Variants in SGK3 observed in about 807,000 individuals in gnomAD.
SGK3 encodes the protein serine/threonine-protein kinase Sgk3.
SGK3 carries 47 observed loss-of-function variants against 68.5 expected under a neutral mutation model. The observed-to-expected ratio is 0.69, with a 90% CI of 0.54 to 0.87. SGK3 has a LOEUF of 0.87. Among genes scored for constraint, SGK3 ranks in the 40% least tolerant of loss-of-function variants. The pLI is 0.00. For synonymous variants in SGK3, 181 were observed against 189.1 expected (o/e 0.96, Z 0.35); for missense variants, 479 against 575.5 (o/e 0.83, Z 1.72).
In SGK3 at chr8:66,826,162, G is replaced by A. The variant is rs375355782; in HGVS notation, c.418-2492G>A. Reference sequence around the variant, plus strand: ...TAATTTTTGTATTTTTAGTAGAGACGGGGTTTCACCATATTGGCCAGGCTG... The same window carrying A: ...TAATTTTTGTATTTTTAGTAGAGACAGGGTTTCACCATATTGGCCAGGCTG... On this transcript the variant is annotated intron_variant, in intron 6 of 16. Coordinates refer to ENST00000521198, the MANE Select transcript of SGK3 (RefSeq NM_001033578.3). Among the ~76,000 whole-genome samples the A allele has an allele frequency of 4.0e-3, 604 of 152,002 alleles. 5 individuals are homozygous for A. The highest frequency in any genetic ancestry group is 0.014 in the African/African-American group (576 of 41,472).
At chr8:66,747,566 T>A (rs191109379) in intron 1 of SGK3, among the ~76,000 whole-genome samples, 5 of 149,084 alleles carry the variant, frequency 3.4e-5, no homozygotes, top group African/African-American at 1.2e-4. Flanking sequence ...TCTTTTGCCA[T>A]TTTTTTTTTG....
intron 1 of SGK3, among the ~76,000 whole-genome samples, chr8:66,757,648 C>A (rs929843444): frequency 3.3e-5 from 5 of 151,778 alleles, no homozygotes; most frequent in African/African-American, 1.2e-4. Context: ...GGTGCAGTGG[C>A]TCACACCTGT....
chr8:66,723,856 T>C (rs1307757843), intron 1 of SGK3, among the ~76,000 whole-genome samples: 2 of 152,234 alleles, frequency 1.3e-5, no homozygotes, highest in African/African-American at 4.8e-5. Context: ...TCATTTCTAA[T>C]TGATCTCTTT....
At chr8:66,810,740 A>G (rs1808351946) in intron 4 of SGK3, among the ~76,000 whole-genome samples, 1 of 152,194 alleles carries the variant, frequency 6.6e-6, no homozygotes. Flanking sequence ...TACCTGAGAA[A>G]AACATTCTGA....
At chr8:66,735,298 T>G (rs1805287127) in intron 1 of SGK3, among the ~76,000 whole-genome samples, 1 of 152,132 alleles carries the variant, frequency 6.6e-6, no homozygotes. Context: ...AATTAGGTAG[T>G]GAATTGTGGT....
At chr8:66,810,583 C>G (rs1045415724) in intron 4 of SGK3, among the ~76,000 whole-genome samples, 1 of 152,128 alleles carries the variant, frequency 6.6e-6, no homozygotes, top group African/African-American at 2.4e-5. Context: ...CACCTGTAAT[C>G]CCGGCTACTC....
chr8:66,839,633 A>G (rs1489980972), intron 10 of SGK3, among the ~76,000 whole-genome samples: 3 of 146,948 alleles, frequency 2.0e-5, no homozygotes, highest in Non-Finnish European at 4.5e-5. Context: ...TTTCAAATGG[A>G]AAACATAGTC....
intron 1 of SGK3, among the ~76,000 whole-genome samples, chr8:66,738,753 G>A (rs1298192482): frequency 2.6e-5 from 4 of 151,530 alleles, no homozygotes; most frequent in East Asian, 1.9e-4. Flanking sequence ...TCAGCCTCCC[G>A]AGTAGCTGGG....
Position 66,770,078 on chromosome 8 carries a change from C to T in SGK3, c.-121-23538C>T, listed in dbSNP as rs571813903. ...ATGCCATTCTCCTGCCTCAGCCTCC[C>T]GAGTAGCTGGGACTACAGGCGTGCG... On this transcript the variant is annotated intron_variant, in intron 1 of 16. Coordinates refer to ENST00000521198, the MANE Select transcript of SGK3 (RefSeq NM_001033578.3). Among the ~76,000 whole-genome samples the T allele has an allele frequency of 3.3e-4, 50 of 152,160 alleles. No homozygotes were observed. In the South Asian group the frequency reaches 9.6e-3, roughly 29 times the overall value.
At position 66,804,376 on chromosome 8, in the gene SGK3, T is replaced by TA. The variant is rs1563636611; in HGVS notation, c.189dup (p.Gln64ThrfsTer17). 6.2e-6 allele frequency: 10 copies of TA among 1,606,504 alleles called. No homozygotes were observed. The highest frequency in any genetic ancestry group is 3.4e-5 in the South Asian group (3 of 89,500). On this transcript the variant is annotated frameshift_variant and splice_region_variant, in exon 4 of 17. Transcript: ENST00000521198. LOFTEE classifies it high-confidence loss of function. ...TAATGTTATTTTTAAAAATTTTAGT[T>TA]AAAAAAACAGTTTCCTGCTATGGCC...
intron 16 of SGK3, among the ~76,000 whole-genome samples, chr8:66,856,154 G>A (rs113695093): frequency 0.028 from 4,281 of 151,286 alleles, 114 homozygotes; most frequent in African/African-American, 0.054. Context: ...TGCAACCTCC[G>A]CCTACCGGGT....
chr8:66,828,233 C>T (rs1427985869), intron 6 of SGK3, among the ~76,000 whole-genome samples: 1 of 152,196 alleles, frequency 6.6e-6, no homozygotes, highest in Non-Finnish European at 1.5e-5. Flanking sequence ...TTGCAATCAT[C>T]ATTGTCATCA....
chr8:66,742,706 T>G (rs1224306409), intron 1 of SGK3, among the ~76,000 whole-genome samples: 2 of 152,174 alleles, frequency 1.3e-5, no homozygotes, highest in Non-Finnish European at 2.9e-5. Context: ...CATATAAAAT[T>G]AATAAGTCAG....
At chr8:66,736,967 G>A (rs995796167) in intron 1 of SGK3, among the ~76,000 whole-genome samples, 8 of 151,654 alleles carry the variant, frequency 5.3e-5, no homozygotes, top group Non-Finnish European at 8.8e-5. Flanking sequence ...TAGTAGAGAA[G>A]AGGCCTTGCT....
At chr8:66,786,861 A>G (rs1807220097) in intron 1 of SGK3, among the ~76,000 whole-genome samples, 1 of 148,660 alleles carries the variant, frequency 6.7e-6, no homozygotes, top group Non-Finnish European at 1.5e-5. Context: ...TACTTAACAA[A>G]TTTTTATGTT....
At chr8:66,846,399 C>G (rs1585806993) in intron 14 of SGK3, among the ~76,000 whole-genome samples, 1 of 152,112 alleles carries the variant, frequency 6.6e-6, no homozygotes, top group Non-Finnish European at 1.5e-5. Context: ...ACTGCATCCT[C>G]CGCCTCCCAG....
At chr8:66,718,437 CAT>C (rs1211032898) in intron 1 of SGK3, among the ~76,000 whole-genome samples, 3 of 150,060 alleles carry the variant, frequency 2.0e-5, no homozygotes, top group Admixed American at 6.6e-5. Flanking sequence ...TATATACACA[CAT>C]ATATATATTA....
Position 66,793,626 on chromosome 8 carries a change from G to A in SGK3, c.-111G>A. The A allele has an allele frequency of 2.1e-6, 2 of 936,780 alleles. No homozygotes were observed. Among genetic ancestry groups the A allele is most frequent in the Non-Finnish European group, 3.0e-6 (2 of 655,796 alleles). 58.0% of individuals were successfully genotyped at this position (936,780 alleles called of 1,614,324 possible). ...TTTCTGTTGGTTAAGGTTGCATGATGGAATTTGAACATTACTTCAAGAGGT... is the reference window on the plus strand; with the variant it reads ...TTTCTGTTGGTTAAGGTTGCATGATAGAATTTGAACATTACTTCAAGAGGT... On this transcript the variant is annotated 5_prime_UTR_variant, in exon 2 of 17. It removes an upstream start codon present in the reference 5' UTR. Transcript: ENST00000521198.
chr8:66,723,131 A>ATATATATATT (rs1554591219), intron 1 of SGK3, among the ~76,000 whole-genome samples: 8 of 29,496 alleles, frequency 2.7e-4, no homozygotes, highest in Admixed American at 1.4e-3. Flanking sequence ...ATATATATAT[A>ATATATATATT]TTTTTTTTTT....
Sources: allele counts gnomAD v4.1 joint callset (sites outside exome capture counted in the v4.1 genomes callset), GRCh38; gene constraint gnomAD v4.1.1; transcripts MANE v1.5; gene names NCBI Gene and HGNC (gene_info 2026-07-23, HGNC 2026-07-21).